Variants in GNA13 observed in about 807,000 individuals in gnomAD.
GNA13 encodes guanine nucleotide-binding protein subunit alpha-13.
GNA13 carries 4 observed loss-of-function variants against 33.5 expected under a neutral mutation model. The observed-to-expected ratio is 0.12, with a 90% CI of 0.06 to 0.27. The LOEUF (loss-of-function observed/expected upper bound fraction) is 0.27, where lower values mean the gene tolerates loss of function less well. GNA13 is among the 10% of genes least tolerant of loss of function. The pLI, the probability that GNA13 is intolerant of heterozygous loss-of-function variation, is 1.00. For missense variants in GNA13, 319 were observed against 487.2 expected (o/e 0.65, Z 3.25); for synonymous variants, 176 against 183.8 (o/e 0.96, Z 0.34).
chr17:65,011,323 A>G lies in GNA13; in HGVS notation c.*2934T>C, dbSNP rs1436546742. 1 of 197,396 alleles carries G rather than the reference A, an allele frequency of 5.1e-6. No individual in the cohort carries two copies. The highest frequency in any genetic ancestry group is 2.3e-5 in the African/African-American group (1 of 43,298). 12.2% of individuals were successfully genotyped at this position (197,396 alleles called of 1,614,324 possible). On this transcript the variant is annotated 3_prime_UTR_variant, in exon 4 of 4. Coordinates refer to ENST00000439174, the MANE Select transcript of GNA13 (RefSeq NM_006572.6). The stretch of plus-strand genomic sequence containing the variant: ...ACATGCCAATACACCTTAAAAGAAA[A>G]TAAGACAAAAGTGAATGAGTTTTTT...
At position 65,013,317 on chromosome 17, in the gene GNA13, C is replaced by T. The variant is rs1906254988; in HGVS notation, c.*940G>A. Reference sequence around the variant, plus strand: ...CAAAAGATAGATGTTTGTGATGATACAACAATGATTTCCTACAGTAAGGAT... The same window carrying T: ...CAAAAGATAGATGTTTGTGATGATATAACAATGATTTCCTACAGTAAGGAT... On this transcript the variant is annotated 3_prime_UTR_variant, in exon 4 of 4. Coordinates refer to ENST00000439174, the MANE Select transcript of GNA13 (RefSeq NM_006572.6). The T allele has an allele frequency of 4.8e-6, 1 of 208,708 alleles. No individual in the cohort carries two copies. The highest frequency in any genetic ancestry group is 9.8e-6 in the Non-Finnish European group (1 of 102,512). The allele number at this position is 208,708 out of a possible 1,614,324, so 12.9% of individuals were successfully genotyped here. A position where few individuals can be genotyped will look rare whatever the true frequency, so the allele number is the denominator to read the frequency against.
At position 65,053,236 on chromosome 17, in the gene GNA13, G is replaced by A. The variant is rs1199690982; in HGVS notation, c.510+266C>T. 2.9e-5 allele frequency: 12 copies of A among 418,208 alleles called. No homozygotes were observed. The East Asian group carries it at 4.1e-4, about 14-fold the overall frequency. 25.9% of individuals were successfully genotyped at this position (418,208 alleles called of 1,614,324 possible). On this transcript the variant is annotated intron_variant, in intron 2 of 3. Coordinates refer to ENST00000439174, the MANE Select transcript of GNA13 (RefSeq NM_006572.6). ...TACATATGAGATATGCTGGGAATGG[G>A]ACTCAAGTCTAAACTAGAAATTCAT...
chr17:65,039,309 C>T (rs538032753), intron 2 of GNA13, among the ~76,000 whole-genome samples: 5 of 152,292 alleles, frequency 3.3e-5, no homozygotes, highest in East Asian at 3.9e-4. Flanking sequence ...CTGGTTAGGA[C>T]GAAGAACAGT....
In GNA13 at chr17:65,053,205, T is replaced by G. The variant is rs1598503380; in HGVS notation, c.510+297A>C. On this transcript the variant is annotated intron_variant, in intron 2 of 3. Transcript: ENST00000439174. The stretch of plus-strand genomic sequence containing the variant: ...TGAATTTTTTCAGATTTTTGAAATA[T>G]CTGCATACATATGAGATATGCTGGG... 3 of 301,108 alleles carry G rather than the reference T, an allele frequency of 1.0e-5. No individual in the cohort carries two copies. The East Asian group carries it at 1.9e-4, about 19-fold the overall frequency. The allele number at this position is 301,108 out of a possible 1,614,324, so 18.7% of individuals were successfully genotyped here.
intron 3 of GNA13, among the ~76,000 whole-genome samples, chr17:65,017,064 A>G (rs1906395591): frequency 6.6e-6 from 1 of 152,068 alleles, no homozygotes; most frequent in Non-Finnish European, 1.5e-5. Context: ...ATTTCCTAAG[A>G]TTAAAATAAT....
intron 2 of GNA13, among the ~76,000 whole-genome samples, chr17:65,048,202 C>T (rs1442986716): frequency 1.3e-5 from 2 of 152,050 alleles, no homozygotes; most frequent in Non-Finnish European, 2.9e-5. Flanking sequence ...ACAAGTGTTG[C>T]CTTATTTCTC....
intron 2 of GNA13, 23 bp from the exon 3 acceptor site, chr17:65,018,326 T>C (rs771659433): frequency 9.6e-6 from 11 of 1,150,234 alleles, no homozygotes; most frequent in East Asian, 2.3e-5. Flanking sequence ...AGAAAACAAA[T>C]AGTTATTAGG....
chr17:65,041,855 A>T (rs1567825370), intron 2 of GNA13, among the ~76,000 whole-genome samples: 2 of 152,196 alleles, frequency 1.3e-5, no homozygotes, highest in African/African-American at 4.8e-5. Flanking sequence ...ACAATCAAAT[A>T]ATTCTGGCTA....
chr17:65,024,252 A>G (rs910923201), intron 2 of GNA13, among the ~76,000 whole-genome samples: 9 of 152,216 alleles, frequency 5.9e-5, no homozygotes, highest in African/African-American at 2.2e-4. Context: ...ACCTTCTCCA[A>G]AAAATAAAAA....
chr17:65,028,021 G>A (rs150201680), intron 2 of GNA13, among the ~76,000 whole-genome samples: 5 of 152,108 alleles, frequency 3.3e-5, no homozygotes, highest in African/African-American at 9.7e-5. Flanking sequence ...GGCGGATCAC[G>A]AGGTCAGGAG....
At chr17:65,040,175 A>G (rs1477225236) in intron 2 of GNA13, among the ~76,000 whole-genome samples, 5 of 152,220 alleles carry the variant, frequency 3.3e-5, no homozygotes, top group Admixed American at 6.5e-5. Flanking sequence ...AAACTATTAA[A>G]CAAAACACCA....
intron 1 of GNA13, 148 bp downstream of exon 1, chr17:65,056,163 C>T (rs1475009572): frequency 3.7e-6 from 2 of 535,586 alleles, no homozygotes; most frequent in Admixed American, 9.1e-5. Flanking sequence ...GGGCCAGTTG[C>T]CGGGGCGCGC....
chr17:65,032,203 T>C (rs1228641626), intron 2 of GNA13, among the ~76,000 whole-genome samples: 1 of 152,136 alleles, frequency 6.6e-6, no homozygotes, highest in African/African-American at 2.4e-5. Context: ...TTAAGGCTGG[T>C]TAATCAACCA....
intron 2 of GNA13, among the ~76,000 whole-genome samples, chr17:65,044,227 T>C (rs137950028): frequency 1.5e-4 from 23 of 152,300 alleles, no homozygotes; most frequent in African/African-American, 4.8e-4. Flanking sequence ...ACGCAACAGA[T>C]TGGTACTTTG....
chr17:65,047,652 ACT>A (rs1302207691), intron 2 of GNA13, among the ~76,000 whole-genome samples: 1 of 122,530 alleles, frequency 8.2e-6, no homozygotes, highest in Non-Finnish European at 1.7e-5. Context: ...TTAATAAATG[ACT>A]CTGATTCTTT....
Position 65,018,278 on chromosome 17 carries a change from T to C in GNA13, c.536A>G (p.Asp179Gly). The C allele has an allele frequency of 6.5e-7, 1 of 1,527,750 alleles. No homozygotes were observed. The highest frequency in any genetic ancestry group is 9.1e-7 in the Non-Finnish European group (1 of 1,101,436). The allele number at this position is 1,527,750 out of a possible 1,614,324, so 94.6% of individuals were successfully genotyped here. ...QLGESVKYFL[D>G]NLDKLGEPDY... ...TGGTTCTCCAAGTTTATCCAAGTTA[T>C]CCAGGAAATATTTTACAGATTCACC... is the stretch of plus-strand genomic sequence containing the variant. The change falls in exon 3 of 4, where the codon GAT (aspartate) becomes GGT (glycine). Residue 179 changes from aspartate (D) to glycine (G), a missense_variant. By Grantham distance (94) the Asp-to-Gly change is moderately conservative. Coordinates refer to ENST00000439174, the MANE Select transcript of GNA13 (RefSeq NM_006572.6).
chr17:65,032,887 G>T (rs1907099727), intron 2 of GNA13, among the ~76,000 whole-genome samples: 1 of 151,736 alleles, frequency 6.6e-6, no homozygotes, highest in African/African-American at 2.4e-5. Context: ...GAGATGGGTG[G>T]ATCACCTGAG....
chr17:65,030,907 A>T (rs1018935790), intron 2 of GNA13, among the ~76,000 whole-genome samples: 12 of 152,246 alleles, frequency 7.9e-5, no homozygotes, highest in African/African-American at 2.9e-4. Context: ...TGAGGCTAAC[A>T]TCACCTGCAA....
At chr17:65,056,051 G>C (rs950259610) in intron 1 of GNA13, among the ~76,000 whole-genome samples, 4 of 152,088 alleles carry the variant, frequency 2.6e-5, no homozygotes, top group Non-Finnish European at 5.9e-5. Context: ...CGCGGTGGGG[G>C]GTGGGGGAAT....
Sources: gnomAD v4.1 joint callset for allele counts (sites outside exome capture counted in the v4.1 genomes callset) on GRCh38, gnomAD v4.1.1 for gene constraint, MANE v1.5 for transcripts, NCBI Gene and HGNC (gene_info 2026-07-23, HGNC 2026-07-21) for gene names.